Variants in RNF10 observed in about 807,000 individuals in gnomAD.
The protein encoded by RNF10 is ring finger protein 10.
Under a neutral mutation model 91.4 loss-of-function variants are expected in RNF10, and 38 were observed. That is an observed-to-expected ratio of 0.42 (90% confidence interval 0.32 to 0.54). The LOEUF (loss-of-function observed/expected upper bound fraction) is 0.54, where lower values mean the gene tolerates loss of function less well. RNF10 is among the 20% of genes least tolerant of loss of function. RNF10 has a pLI of 0.16. For missense variants in RNF10, 945 were observed against 1,012.0 expected (o/e 0.93, Z 0.90); for synonymous variants, 364 against 366.3 (o/e 0.99, Z 0.07).
At chr12:120,548,280 A>G (rs1010133399) in intron 2 of RNF10, among the ~76,000 whole-genome samples, 1 of 152,230 alleles carries the variant, frequency 6.6e-6, no homozygotes, top group Non-Finnish European at 1.5e-5. Context: ...AGCTGTCAGC[A>G]TACAGTTGGT....
At chr12:120,559,365 G>T (rs1474524744) in intron 6 of RNF10, among the ~76,000 whole-genome samples, 3 of 150,566 alleles carry the variant, frequency 2.0e-5, no homozygotes, top group African/African-American at 7.3e-5. Flanking sequence ...TTTTTTTTGT[G>T]TGTGTGTGTT....
chr12:120,565,913 A>G (rs1363645656), intron 12 of RNF10, among the ~76,000 whole-genome samples: 1 of 152,212 alleles, frequency 6.6e-6, no homozygotes, highest in Non-Finnish European at 1.5e-5. Flanking sequence ...TGGGTCTGAT[A>G]AGATGGAAAT....
intron 4 of RNF10, among the ~76,000 whole-genome samples, 153 bp from the exon 5 acceptor site, chr12:120,557,129 G>A (rs7956998): frequency 0.79 from 119,272 of 150,396 alleles, 47,671 homozygotes; most frequent in Admixed American, 0.85. Flanking sequence ...ATGTACCTAC[G>A]TTGTAAACAA....
rs140165853 is a variant in RNF10, at chr12:120,575,826, C to T, written c.2235C>T (p.Asp745=). ...ENSLVPPAPV[D]SDGESDNSDR... ...GCTTAGTTCCTCCTGCCCCTGTGGACAGCGACGGGGAGAGTGATAATTCAG... is the reference window on the plus strand; with the variant it reads ...GCTTAGTTCCTCCTGCCCCTGTGGATAGCGACGGGGAGAGTGATAATTCAG... Residue 745 remains aspartate, a synonymous_variant, in exon 16 of 17, where the codon GAC becomes GAT. Transcript: ENST00000325954. 3.4e-4 allele frequency: 555 copies of T among 1,614,184 alleles called. No individual in the cohort carries two copies. The highest frequency in any genetic ancestry group is 1.0e-3 in the Admixed American group (62 of 60,024).
In RNF10 at chr12:120,566,904, T is replaced by C; in HGVS notation, c.1965T>C (p.Ala655=). 1 of 1,614,132 alleles carries C rather than the reference T, an allele frequency of 6.2e-7. No homozygotes were observed. Among genetic ancestry groups the C allele is most frequent in the Non-Finnish European group, 8.5e-7 (1 of 1,179,992 alleles). The part of the protein sequence containing the change: ...FNSYTCSSDS[A]LGPTSTEGHG... Reference sequence around the variant, plus strand: ...CTTATACCTGCTCCTCTGATTCTGCTTTGGGTCCCACCAGCACCGAGGGCC... The same window carrying C: ...CTTATACCTGCTCCTCTGATTCTGCCTTGGGTCCCACCAGCACCGAGGGCC... The change falls in exon 13 of 17, where the codon GCT becomes GCC. Residue 655 remains alanine (A), a synonymous_variant. Coordinates refer to ENST00000325954, the MANE Select transcript of RNF10 (RefSeq NM_014868.5).
chr12:120,548,647 AT>A (rs772254824), intron 2 of RNF10, among the ~76,000 whole-genome samples: 5 of 141,372 alleles, frequency 3.5e-5, no homozygotes, highest in Admixed American at 7.4e-5. Flanking sequence ...AGCTTGAGGG[AT>A]TTTTTTTCTT....
chr12:120,570,235 G>A (rs1876431831), intron 13 of RNF10: 1 of 144,510 alleles, frequency 6.9e-6, no homozygotes, highest in Non-Finnish European at 1.5e-5. Flanking sequence ...CACCCAGGCT[G>A]GAGCACAATG....
At chr12:120,552,409 A>AGCT in intron 2 of RNF10, 90 bp from the exon 3 acceptor site, 2 of 1,074,916 alleles carry the variant, frequency 1.9e-6, no homozygotes, top group South Asian at 3.0e-5. Context: ...CAAAAAAAAA[A>AGCT]GCTGTGTAAA....
chr12:120,557,345 A>T lies in RNF10; in HGVS notation c.709A>T (p.Ile237Leu), dbSNP rs1376624353. ...ICLYPPTAAKITRCGHIFCWA... is the reference protein window; with the variant it reads ...ICLYPPTAAKLTRCGHIFCWA... ...CCTCTATCCACCTACTGCAGCCAAGATAACCCGTTGTGGACACATCTTCTG... is the reference window on the plus strand; with the variant it reads ...CCTCTATCCACCTACTGCAGCCAAGTTAACCCGTTGTGGACACATCTTCTG... The change falls in exon 5 of 17, where the codon ATA becomes TTA. Residue 237 changes from isoleucine (I) to leucine (L), a missense_variant. Transcript: ENST00000325954. 6.2e-7 allele frequency: 1 copy of T among 1,614,202 alleles called. No homozygotes were observed. Among genetic ancestry groups the T allele is most frequent in the Non-Finnish European group, 8.5e-7 (1 of 1,180,030 alleles).
In RNF10 at chr12:120,534,981, C is replaced by CT. The variant is rs780609992; in HGVS notation, c.157+14dup. 26 of 1,585,776 alleles carry CT rather than the reference C, an allele frequency of 1.6e-5. No individual in the cohort carries two copies. In the South Asian group the frequency reaches 2.8e-4, roughly 17 times the overall value. On this transcript the variant is annotated intron_variant, in intron 1 of 16. Coordinates refer to ENST00000325954, the MANE Select transcript of RNF10 (RefSeq NM_014868.5). ...AAACCCAAGAGCGGTAAGGACGGGCCTGCGGCAGTGGGCGGGGGCGACTGC... is the reference window on the plus strand; with the variant it reads ...AAACCCAAGAGCGGTAAGGACGGGCCTTGCGGCAGTGGGCGGGGGCGACTGC...
chr12:120,573,971 G>T (rs1294642090), intron 14 of RNF10, among the ~76,000 whole-genome samples: 7 of 152,180 alleles, frequency 4.6e-5, no homozygotes, highest in Admixed American at 4.6e-4. Flanking sequence ...AGGAATGAAT[G>T]CGAGAATAGG....
In RNF10 at chr12:120,576,712, T is replaced by C; in HGVS notation, c.*46T>C. On this transcript the variant is annotated 3_prime_UTR_variant, in exon 17 of 17. Transcript: ENST00000325954. The stretch of plus-strand genomic sequence containing the variant: ...TTCTCCATCTGGTTTTTGTTTTTGT[T>C]TTTTTTTCCCCCATGCTTTTGTTTG... 1.3e-6 allele frequency: 2 copies of C among 1,593,134 alleles called. No individual in the cohort carries two copies. Among genetic ancestry groups the C allele is most frequent in the Non-Finnish European group, 1.7e-6 (2 of 1,174,004 alleles).
intron 13 of RNF10, 84 bp from the exon 14 acceptor site, chr12:120,571,107 C>A (rs563578827): frequency 2.9e-4 from 239 of 828,180 alleles, no homozygotes; most frequent in Non-Finnish European, 4.3e-4. Context: ...TTTTCCAGAC[C>A]TGACTCAGGG....
chr12:120,537,317 C>G (rs1476371312), intron 1 of RNF10, among the ~76,000 whole-genome samples: 1 of 151,782 alleles, frequency 6.6e-6, no homozygotes, highest in Non-Finnish European at 1.5e-5. Context: ...CGTCTCAAAA[C>G]AAGAAAACTT....
intron 13 of RNF10, among the ~76,000 whole-genome samples, chr12:120,569,614 C>G (rs1185562328): frequency 7.0e-6 from 1 of 143,816 alleles, no homozygotes; most frequent in African/African-American, 2.6e-5. Flanking sequence ...TCTCGGCTCA[C>G]TGCAACCTCT....
At chr12:120,557,828 G>C in intron 6 of RNF10, 146 bp downstream of exon 6, 1 of 853,992 alleles carries the variant, frequency 1.2e-6, no homozygotes. Flanking sequence ...AGGTTAGGGT[G>C]GGGTTTGTAG....
rs976272458 is a variant in RNF10 at position 120,535,054 on chromosome 12, G to A, written c.157+86G>A. 6 of 1,399,962 alleles carry A rather than the reference G, an allele frequency of 4.3e-6. No individual in the cohort carries two copies. The African/African-American group carries it at 7.4e-5, about 17-fold the overall frequency. The allele number at this position is 1,399,962 out of a possible 1,614,324, so 86.7% of individuals were successfully genotyped here. A position where few individuals can be genotyped will look rare whatever the true frequency, so the allele number is the denominator to read the frequency against. On this transcript the variant is annotated intron_variant, in intron 1 of 16. Coordinates refer to ENST00000325954, the MANE Select transcript of RNF10 (RefSeq NM_014868.5). ...TGCTCTCATCGGCTGGGTTACTCGG[G>A]GACAGGCTCCACTTTCTTTTATAGC... is the stretch of plus-strand genomic sequence containing the variant.
At position 120,534,542 on chromosome 12, in the gene RNF10, T is replaced by TC; in HGVS notation, c.-265dup. The stretch of plus-strand genomic sequence containing the variant: ...TCGCGCAACCTCCCTCGCCTCCCCT[T>TC]CCCCCGCAGCCTCCGCCCCGCCAGG... On this transcript the variant is annotated 5_prime_UTR_variant, in exon 1 of 17. Coordinates refer to ENST00000325954, the MANE Select transcript of RNF10 (RefSeq NM_014868.5). 1 of 511,578 alleles carries TC rather than the reference T, an allele frequency of 2.0e-6. No homozygotes were observed. The highest frequency in any genetic ancestry group is 2.8e-6 in the Non-Finnish European group (1 of 351,910). The allele number at this position is 511,578 out of a possible 1,614,324, so 31.7% of individuals were successfully genotyped here. A position where few individuals can be genotyped will look rare whatever the true frequency, so the allele number is the denominator to read the frequency against.
At chr12:120,563,145 A>T (rs1875150258) in intron 8 of RNF10, 75 bp downstream of exon 8, 1 of 1,594,758 alleles carries the variant, frequency 6.3e-7, no homozygotes. Flanking sequence ...TTACTGTGAG[A>T]TCTAAACCTT....
Sources: allele counts gnomAD v4.1 joint callset (sites outside exome capture counted in the v4.1 genomes callset), GRCh38; gene constraint gnomAD v4.1.1; transcripts MANE v1.5; gene names NCBI Gene and HGNC (gene_info 2026-07-23, HGNC 2026-07-21).